The following FOXP1 variants were observed in gnomAD, a reference collection of about 807,000 sequenced individuals.
The protein encoded by FOXP1 is forkhead box protein P1.
In FOXP1, 15 loss-of-function variants were observed where a neutral mutation model predicts 98.2. That is an observed-to-expected ratio of 0.15 (90% CI 0.10 to 0.24). FOXP1 has a LOEUF of 0.24. FOXP1 is among the 10% of genes least tolerant of loss of function. The pLI, the probability that FOXP1 is intolerant of heterozygous loss-of-function variation, is 1.00. For synonymous variants in FOXP1, 371 were observed against 314.5 expected, an observed-to-expected ratio of 1.18 and a Z score of -1.90; for missense variants, 633 against 848.5, an observed-to-expected ratio of 0.75 and a Z score of 3.15.
intron 7 of FOXP1, chr3:71,064,862 G>A (rs2052170030): frequency 1.0e-6 from 1 of 978,448 alleles, no homozygotes; most frequent in African/African-American, 1.8e-5. Context: ...CGCGGAGCCG[G>A]GCTCGGGGCG....
At chr3:71,536,573 CTT>C (rs3039465) in intron 2 of FOXP1, among the ~76,000 whole-genome samples, 37,018 of 134,672 alleles carry the variant, frequency 0.27, 5,239 homozygotes, top group African/African-American at 0.42. Context: ...AACCATGTCT[CTT>C]TTTTTTTTTT....
intron 13 of FOXP1, among the ~76,000 whole-genome samples, chr3:70,991,875 A>T (rs771090005): frequency 1.2e-4 from 18 of 152,230 alleles, no homozygotes; most frequent in South Asian, 2.1e-4. Flanking sequence ...TTCCCACACT[A>T]GTGTGATTCT....
chr3:71,102,192 A>G (rs1039963405), intron 7 of FOXP1, among the ~76,000 whole-genome samples: 4 of 152,218 alleles, frequency 2.6e-5, no homozygotes, highest in Non-Finnish European at 5.9e-5. Flanking sequence ...CATCTGATGT[A>G]TGAAAATTAT....
chr3:71,413,223 ACC>A (rs112323442), intron 3 of FOXP1, among the ~76,000 whole-genome samples: 6 of 51,918 alleles, frequency 1.2e-4, no homozygotes, highest in African/African-American at 1.5e-4. Flanking sequence ...ACACACACAC[ACC>A]CCCCCAAATA....
chr3:71,063,540 G>A (rs936262923), intron 7 of FOXP1, among the ~76,000 whole-genome samples: 2 of 152,170 alleles, frequency 1.3e-5, no homozygotes, highest in Non-Finnish European at 2.9e-5. Context: ...AAACAGGGCC[G>A]CTTTTAAAAT....
intron 2 of FOXP1, among the ~76,000 whole-genome samples, chr3:71,546,369 G>C (rs113457631): frequency 1.3e-4 from 20 of 152,254 alleles, no homozygotes; most frequent in African/African-American, 4.8e-4. Context: ...CTTAGAGAAA[G>C]GTGTGACCCA....
chr3:71,485,458 G>A (rs2090575483), intron 3 of FOXP1, among the ~76,000 whole-genome samples: 1 of 151,978 alleles, frequency 6.6e-6, no homozygotes, highest in Non-Finnish European at 1.5e-5. Flanking sequence ...TTAAAACAGG[G>A]AGAAAAAAGT....
At chr3:71,227,522 A>G (rs963301624) in intron 5 of FOXP1, among the ~76,000 whole-genome samples, 2 of 152,212 alleles carry the variant, frequency 1.3e-5, no homozygotes, top group Non-Finnish European at 2.9e-5. Flanking sequence ...AGGAAGTCCT[A>G]TGATAACATT....
At chr3:71,240,696 C>T (rs1164910663) in intron 5 of FOXP1, among the ~76,000 whole-genome samples, 1 of 151,686 alleles carries the variant, frequency 6.6e-6, no homozygotes, top group African/African-American at 2.4e-5. Context: ...CGCGTGCCAC[C>T]ATGCCCGGCT....
At chr3:71,201,689 A>G (rs1441252568) in intron 5 of FOXP1, among the ~76,000 whole-genome samples, 2 of 152,154 alleles carry the variant, frequency 1.3e-5, no homozygotes, top group Non-Finnish European at 2.9e-5. Context: ...AGTGTTAGGT[A>G]TTTAAGCAAG....
chr3:71,250,566 T>C (rs1201794907), intron 5 of FOXP1, among the ~76,000 whole-genome samples: 1 of 152,252 alleles, frequency 6.6e-6, no homozygotes, highest in Non-Finnish European at 1.5e-5. Flanking sequence ...TGGTTTCCAG[T>C]ACAAAATTCT....
At chr3:71,496,564 G>A (rs1441231655) in intron 2 of FOXP1, among the ~76,000 whole-genome samples, 2 of 152,172 alleles carry the variant, frequency 1.3e-5, no homozygotes, top group East Asian at 3.8e-4. Flanking sequence ...GCTCACGCCT[G>A]TAATCCCAGC....
At chr3:71,272,797 G>A (rs562082360) in intron 5 of FOXP1, among the ~76,000 whole-genome samples, 1 of 152,180 alleles carries the variant, frequency 6.6e-6, no homozygotes, top group East Asian at 1.9e-4. Flanking sequence ...TTTTTTGACT[G>A]GAAAGTCTTT....
chr3:71,534,420 A>C (rs2044124026), intron 2 of FOXP1, among the ~76,000 whole-genome samples: 1 of 152,064 alleles, frequency 6.6e-6, no homozygotes. Context: ...TTTCCCATTC[A>C]CCAACACTGA....
chr3:71,085,033 G>T (rs1443693615), intron 7 of FOXP1, among the ~76,000 whole-genome samples: 1 of 152,178 alleles, frequency 6.6e-6, no homozygotes, highest in African/African-American at 2.4e-5. Flanking sequence ...TTCCTTGTTA[G>T]TGGCTGTTCA....
chr3:71,325,598 C>G (rs548642094), intron 4 of FOXP1, among the ~76,000 whole-genome samples: 3 of 152,116 alleles, frequency 2.0e-5, no homozygotes, highest in African/African-American at 4.8e-5. Flanking sequence ...ACCAGCATGG[C>G]CCTTGAAGCA....
chr3:71,419,247 A>G (rs2083446020), intron 3 of FOXP1, among the ~76,000 whole-genome samples: 1 of 150,302 alleles, frequency 6.7e-6, no homozygotes, highest in African/African-American at 2.4e-5. Flanking sequence ...AAAAAAAAAA[A>G]AAAAAAAAAA....
At chr3:71,224,038 A>T (rs1002540730) in intron 5 of FOXP1, among the ~76,000 whole-genome samples, 2 of 152,198 alleles carry the variant, frequency 1.3e-5, no homozygotes, top group East Asian at 3.9e-4. Flanking sequence ...AAAGAAGAAG[A>T]AGTTGGAGAT....
chr3:71,442,876 A>G (rs2086070849), intron 3 of FOXP1, among the ~76,000 whole-genome samples: 1 of 139,910 alleles, frequency 7.1e-6, no homozygotes, highest in African/African-American at 2.5e-5. Flanking sequence ...TTTTATTTAA[A>G]TCTTTTTTTA....
Sources: allele counts gnomAD v4.1 joint callset (sites outside exome capture counted in the v4.1 genomes callset), GRCh38; gene constraint gnomAD v4.1.1; transcripts MANE v1.5; gene names NCBI Gene and HGNC (gene_info 2026-07-23, HGNC 2026-07-21).